PTPRK: variants seen among roughly 807,000 people sequenced by gnomAD.
PTPRK encodes receptor-type tyrosine-protein phosphatase kappa.
Under a neutral mutation model 178.0 loss-of-function variants are expected in PTPRK, and 75 were observed. The observed-to-expected ratio is 0.42, with a 90% CI of 0.35 to 0.51. PTPRK has a LOEUF of 0.51. Among genes scored for constraint, PTPRK ranks in the 20% least tolerant of loss-of-function variants. PTPRK has a pLI of 0.02. For missense variants in PTPRK, 1,441 were observed against 1,797.8 expected (o/e 0.80, Z 3.59); for synonymous variants, 637 against 620.6 (o/e 1.03, Z -0.39).
At position 128,005,989 on chromosome 6, in the gene PTPRK, CA is replaced by C. The variant is rs760041614; in HGVS notation, c.2334-746del. 8.1e-6 allele frequency: 12 copies of C among 1,475,836 alleles called. No homozygotes were observed. In the South Asian group the frequency reaches 1.5e-4, roughly 19 times the overall value. The allele number at this position is 1,475,836 out of a possible 1,614,324, so 91.4% of individuals were successfully genotyped here. ...TTGAAAAGGGATACTGCATCCTTAACACACGTAAAGTTGTACATCACCCATT... is the reference window on the plus strand; with the variant it reads ...TTGAAAAGGGATACTGCATCCTTAACCACGTAAAGTTGTACATCACCCATT... On this transcript the variant is annotated intron_variant, in intron 14 of 29. Coordinates refer to ENST00000368226, the MANE Select transcript of PTPRK (RefSeq NM_002844.4).
At chr6:127,991,677 C>T (rs1291607267) in intron 19 of PTPRK, among the ~76,000 whole-genome samples, 1 of 149,696 alleles carries the variant, frequency 6.7e-6, no homozygotes, top group Non-Finnish European at 1.5e-5. Flanking sequence ...CACTAAGTCA[C>T]TTTAATGCAT....
chr6:128,078,390 A>G (rs1184205830), intron 11 of PTPRK, among the ~76,000 whole-genome samples: 1 of 152,028 alleles, frequency 6.6e-6, no homozygotes, highest in African/African-American at 2.4e-5. Flanking sequence ...CCACTTTATT[A>G]GCTGCTAAGC....
In PTPRK at chr6:128,320,359, A is replaced by T. The variant is rs551787609; in HGVS notation, c.495+1680T>A. Among the ~76,000 whole-genome samples the T allele has an allele frequency of 4.6e-5, 7 of 152,292 alleles. No individual in the cohort carries two copies. The South Asian group carries it at 1.4e-3, about 32-fold the overall frequency. On this transcript the variant is annotated intron_variant, in intron 3 of 29. Transcript: ENST00000368226. Reference sequence around the variant, plus strand: ...TAGAAAAAATAACTACATGTATGTTATTTCGTAGTTACGAGGAAAAAGAAA... The same window carrying T: ...TAGAAAAAATAACTACATGTATGTTTTTTCGTAGTTACGAGGAAAAAGAAA...
intron 9 of PTPRK, 127 bp downstream of exon 9, chr6:128,083,588 A>T (rs1476516878): frequency 2.2e-6 from 1 of 444,748 alleles, no homozygotes; most frequent in African/African-American, 2.0e-5. Flanking sequence ...AATTAAAACA[A>T]AGGAGAATGA....
chr6:128,357,533 A>G (rs547246218), intron 2 of PTPRK, among the ~76,000 whole-genome samples: 8 of 152,200 alleles, frequency 5.3e-5, no homozygotes, highest in African/African-American at 1.7e-4. Context: ...CAGATCCCAG[A>G]CATCTAGCTC....
At chr6:128,049,506 T>C (rs1209670809) in intron 13 of PTPRK, among the ~76,000 whole-genome samples, 1 of 152,010 alleles carries the variant, frequency 6.6e-6, no homozygotes, top group African/African-American at 2.4e-5. Flanking sequence ...GAGAAAATTT[T>C]AAATGACATA....
chr6:128,387,541 T>C (rs958391397), intron 2 of PTPRK, among the ~76,000 whole-genome samples: 2 of 152,206 alleles, frequency 1.3e-5, no homozygotes, highest in Non-Finnish European at 2.9e-5. Flanking sequence ...ATTCCTATAA[T>C]CTTTTGAACC....
intron 2 of PTPRK, among the ~76,000 whole-genome samples, chr6:128,343,297 C>T (rs1406918994): frequency 1.3e-5 from 2 of 151,746 alleles, no homozygotes; most frequent in Non-Finnish European, 2.9e-5. Context: ...GTCAGGAGTT[C>T]GAGACCAGCC....
intron 2 of PTPRK, among the ~76,000 whole-genome samples, chr6:128,334,124 C>T (rs1350273661): frequency 6.6e-6 from 1 of 152,060 alleles, no homozygotes; most frequent in Non-Finnish European, 1.5e-5. Flanking sequence ...GAAAAAATTA[C>T]AACAGTAACA....
At chr6:128,150,201 G>A (rs1403437956) in intron 7 of PTPRK, among the ~76,000 whole-genome samples, 3 of 151,966 alleles carry the variant, frequency 2.0e-5, no homozygotes, top group Admixed American at 1.3e-4. Context: ...GAGTGGGGGT[G>A]GGGTCACAGA....
intron 1 of PTPRK, among the ~76,000 whole-genome samples, chr6:128,463,741 GTTT>G (rs896710320): frequency 3.1e-5 from 3 of 96,866 alleles, no homozygotes; most frequent in African/African-American, 4.5e-5. Flanking sequence ...AATCTTCACG[GTTT>G]TTTTTTTTTT....
intron 19 of PTPRK, 25 bp downstream of exon 19, chr6:127,992,648 A>G (rs776037530): frequency 1.3e-6 from 2 of 1,574,804 alleles, no homozygotes; most frequent in Non-Finnish European, 8.6e-7. Context: ...TTTTTTCTAT[A>G]ACATTTAACA....
intron 7 of PTPRK, among the ~76,000 whole-genome samples, chr6:128,166,176 G>C (rs2114624714): frequency 6.6e-6 from 1 of 151,752 alleles, no homozygotes; most frequent in South Asian, 2.1e-4. Flanking sequence ...ATTGCCTGAA[G>C]GTTATGCATT....
intron 2 of PTPRK, among the ~76,000 whole-genome samples, chr6:128,346,293 A>G (rs2128334679): frequency 6.6e-6 from 1 of 152,236 alleles, no homozygotes; most frequent in Admixed American, 6.5e-5. Context: ...AAATATTAAT[A>G]TTCAAAGAAG....
chr6:128,376,612 T>A (rs1343682676), intron 2 of PTPRK, among the ~76,000 whole-genome samples: 1 of 152,192 alleles, frequency 6.6e-6, no homozygotes, highest in African/African-American at 2.4e-5. Flanking sequence ...TTATGCAAAT[T>A]TCTGCAGCAG....
intron 6 of PTPRK, among the ~76,000 whole-genome samples, chr6:128,204,980 C>T (rs1806657980): frequency 6.6e-6 from 1 of 152,104 alleles, no homozygotes; most frequent in African/African-American, 2.4e-5. Context: ...CATTGCAGCA[C>T]TATTCGCAAT....
chr6:128,462,489 C>A (rs2128412846), intron 1 of PTPRK, among the ~76,000 whole-genome samples: 1 of 152,014 alleles, frequency 6.6e-6, no homozygotes, highest in African/African-American at 2.4e-5. Context: ...TCAGACTACC[C>A]ACATTTTAAT....
intron 3 of PTPRK, among the ~76,000 whole-genome samples, chr6:128,301,742 A>G (rs570918689): frequency 9.5e-4 from 145 of 152,266 alleles, no homozygotes; most frequent in African/African-American, 3.3e-3. Flanking sequence ...CTGAATATAC[A>G]CACTGTTTGA....
intron 7 of PTPRK, 64 bp downstream of exon 7, chr6:128,184,368 T>G (rs1802418113): frequency 6.8e-7 from 1 of 1,467,964 alleles, no homozygotes; most frequent in Admixed American, 1.9e-5. Flanking sequence ...CAACACTGCA[T>G]GTATTAATGT....
Sources: gnomAD v4.1 joint callset for allele counts (sites outside exome capture counted in the v4.1 genomes callset) on GRCh38, gnomAD v4.1.1 for gene constraint, MANE v1.5 for transcripts, NCBI Gene and HGNC (gene_info 2026-07-23, HGNC 2026-07-21) for gene names.